Variants in GSDME observed in about 807,000 individuals in gnomAD.
GSDME encodes the protein gasdermin E.
Under a neutral mutation model 47.5 loss-of-function variants are expected in GSDME, and 44 were observed. The observed-to-expected ratio is 0.93, with a 90% CI of 0.73 to 1.19. GSDME has a LOEUF of 1.19. GSDME is among the 50% of genes most tolerant of loss of function. The pLI is 0.00. For synonymous variants in GSDME, 258 were observed against 252.8 expected, an observed-to-expected ratio of 1.02 and a Z score of -0.20; for missense variants, 663 against 604.2, an observed-to-expected ratio of 1.10 and a Z score of -1.02.
chr7:24,770,840 A>C, the GSDME span, among the ~76,000 whole-genome samples: 2 of 151,998 alleles, frequency 1.3e-5, no homozygotes, highest in Non-Finnish European at 2.9e-5. This position sits in a 1 kb window ranked among gnomAD's most constrained non-coding sequence, Gnocchi z 4.6. Context: ...CATCAATAGA[A>C]ACTTCAAAAC....
intron 3 of GSDME, among the ~76,000 whole-genome samples, chr7:24,741,758 A>G (rs1790499701): frequency 6.6e-6 from 1 of 151,662 alleles, no homozygotes; most frequent in Non-Finnish European, 1.5e-5. Flanking sequence ...ATCAATCCCA[A>G]TGATGTTATG....
At chr7:24,740,689 G>A (rs1353912255) in intron 3 of GSDME, among the ~76,000 whole-genome samples, 3 of 151,778 alleles carry the variant, frequency 2.0e-5, no homozygotes, top group Non-Finnish European at 4.4e-5. Context: ...TATATATTCA[G>A]TGTAATTCTG....
In GSDME at chr7:24,739,082, C is replaced by T. The variant is rs977159175; in HGVS notation, c.404+5480G>A. On this transcript the variant is annotated intron_variant, in intron 3 of 9. Coordinates refer to ENST00000645220, the MANE Select transcript of GSDME (RefSeq NM_001127453.2). This position sits in a 1 kb window ranked among gnomAD's most constrained non-coding sequence, Gnocchi z 5.1. ...AGGACATTGAACTGGGCAAAGGTTT[C>T]TTGAGTAACATCCCACAGACACGAA... 4.0e-4 allele frequency among the ~76,000 whole-genome samples: 61 copies of T among 152,288 alleles called. No homozygotes were observed. The highest frequency in any genetic ancestry group is 2.0e-3 in the Admixed American group (30 of 15,306).
At chr7:24,720,641 C>G (rs1028697147) in intron 3 of GSDME, among the ~76,000 whole-genome samples, 1 of 152,228 alleles carries the variant, frequency 6.6e-6, no homozygotes, top group African/African-American at 2.4e-5. Context: ...TTGGGCCGGG[C>G]ACAGTGGCTT....
the GSDME span, among the ~76,000 whole-genome samples, chr7:24,772,518 G>A: frequency 2.2e-4 from 33 of 152,112 alleles, no homozygotes; most frequent in Non-Finnish European, 4.7e-4. This position sits in a 1 kb window ranked among gnomAD's most constrained non-coding sequence, Gnocchi z 4.5. Flanking sequence ...GCACAGAGTC[G>A]GCACTCCACA....
chr7:24,717,283 TCAATGACA>T lies in GSDME; in HGVS notation c.660_667del (p.Glu223ArgfsTer26). 6.2e-7 allele frequency: 1 copy of T among 1,609,254 alleles called. No homozygotes were observed. Among genetic ancestry groups the T allele is most frequent in the Non-Finnish European group, 8.5e-7 (1 of 1,178,162 alleles). On this transcript the variant is annotated frameshift_variant, in exon 5 of 10. Coordinates refer to ENST00000645220, the MANE Select transcript of GSDME (RefSeq NM_001127453.2). LOFTEE classifies it high-confidence loss of function. ...CTGGCCGTCCAGTTTCACGTATAAC[TCAATGACA>T]CCGTAGGCAATGGTGGTGGCAGCTG...
intron 3 of GSDME, among the ~76,000 whole-genome samples, chr7:24,741,855 T>A (rs1790502936): frequency 6.6e-6 from 1 of 152,198 alleles, no homozygotes; most frequent in Non-Finnish European, 1.5e-5. Context: ...CTGAGCTCCA[T>A]GCCAAGAGCA....
chr7:24,774,088 A>C, the GSDME span, among the ~76,000 whole-genome samples: 2 of 152,212 alleles, frequency 1.3e-5, no homozygotes, highest in Non-Finnish European at 2.9e-5. Flanking sequence ...CTGAGCGATG[A>C]GGGACTCCCA....
chr7:24,776,923 G>A, the GSDME span, among the ~76,000 whole-genome samples: 2 of 152,010 alleles, frequency 1.3e-5, no homozygotes, highest in African/African-American at 4.8e-5. Context: ...GTGTTTTCTT[G>A]GGGTGGTGTG....
At chr7:24,789,632 C>G in the GSDME span, among the ~76,000 whole-genome samples, 1 of 152,186 alleles carries the variant, frequency 6.6e-6, no homozygotes, top group East Asian at 1.9e-4. Flanking sequence ...AGGCCCAGGG[C>G]GCAAGCTGGG....
chr7:24,771,099 C>T, the GSDME span, among the ~76,000 whole-genome samples: 1 of 151,992 alleles, frequency 6.6e-6, no homozygotes, highest in East Asian at 1.9e-4. The surrounding 1 kb of genome is among the most constrained non-coding windows in gnomAD (Gnocchi z 4.1). Context: ...CTAGGCGTAT[C>T]GTATTGAAAC....
intron 5 of GSDME, among the ~76,000 whole-genome samples, chr7:24,713,832 C>T (rs1230499621): frequency 6.6e-6 from 1 of 152,204 alleles, no homozygotes; most frequent in African/African-American, 2.4e-5. Flanking sequence ...GGCAGAGCCC[C>T]TGTAGTCCCA....
intron 6 of GSDME, 48 bp from the exon 7 acceptor site, chr7:24,708,302 C>G: frequency 6.2e-7 from 1 of 1,611,448 alleles, no homozygotes; most frequent in Non-Finnish European, 8.5e-7. Context: ...ATGCACATCT[C>G]ACGACGTCGG....
the GSDME span, among the ~76,000 whole-genome samples, chr7:24,791,154 C>G: frequency 6.6e-6 from 1 of 152,022 alleles, no homozygotes; most frequent in African/African-American, 2.4e-5. This position sits in a 1 kb window ranked among gnomAD's most constrained non-coding sequence, Gnocchi z 4.8. Flanking sequence ...GATTCCTTGA[C>G]CACTGTGGGA....
chr7:24,749,185 A>G (rs552240970), intron 2 of GSDME, among the ~76,000 whole-genome samples: 48 of 152,054 alleles, frequency 3.2e-4, no homozygotes, highest in Non-Finnish European at 5.9e-4. Context: ...AAGTATCTGG[A>G]CTCAAGGCAA....
At chr7:24,764,417 T>G in the GSDME span, among the ~76,000 whole-genome samples, 4 of 152,210 alleles carry the variant, frequency 2.6e-5, no homozygotes, top group Non-Finnish European at 5.9e-5. The surrounding 1 kb of genome is among the most constrained non-coding windows in gnomAD (Gnocchi z 4.4). Context: ...GCTTCTTTTT[T>G]TCTCCCCCAA....
At chr7:24,794,477 T>C in the GSDME span, among the ~76,000 whole-genome samples, 7 of 152,170 alleles carry the variant, frequency 4.6e-5, no homozygotes, top group Admixed American at 2.0e-4. Context: ...CCTGTCTTCT[T>C]AACCACCGTG....
At chr7:24,767,010 A>T in the GSDME span, among the ~76,000 whole-genome samples, 2 of 152,156 alleles carry the variant, frequency 1.3e-5, no homozygotes, top group African/African-American at 4.8e-5. The surrounding 1 kb of genome is among the most constrained non-coding windows in gnomAD (Gnocchi z 5.3). Flanking sequence ...TGGGCATGAG[A>T]TGTTATTTTT....
chr7:24,736,437 T>C lies in GSDME; in HGVS notation c.404+8125A>G, dbSNP rs1790309292. Among the ~76,000 whole-genome samples the C allele has an allele frequency of 6.6e-6, 1 of 152,184 alleles. No individual in the cohort carries two copies. Among genetic ancestry groups the C allele is most frequent in the Non-Finnish European group, 1.5e-5 (1 of 68,018 alleles). ...TAAGAAGAGACAAAGAAGGTTACTA[T>C]ATAATGATAAAGGGGTCAATTCAGC... On this transcript the variant is annotated intron_variant, in intron 3 of 9. Coordinates refer to ENST00000645220, the MANE Select transcript of GSDME (RefSeq NM_001127453.2). This position sits in a 1 kb window ranked among gnomAD's most constrained non-coding sequence, Gnocchi z 4.6.
Sources: allele counts gnomAD v4.1 joint callset (sites outside exome capture counted in the v4.1 genomes callset), GRCh38; gene constraint gnomAD v4.1.1; non-coding constraint Gnocchi (gnomAD v3.1); transcripts MANE v1.5; gene names NCBI Gene and HGNC (gene_info 2026-07-23, HGNC 2026-07-21).